Variants in MAEL observed in about 807,000 individuals in gnomAD.
MAEL encodes the protein maelstrom spermatogenic transposon silencer.
MAEL carries 46 observed loss-of-function variants against 62.0 expected under a neutral mutation model. That is an observed-to-expected ratio of 0.74 (90% CI 0.59 to 0.95). The LOEUF (loss-of-function observed/expected upper bound fraction) is 0.95, where lower values mean the gene tolerates loss of function less well. Ranked by LOEUF, MAEL falls within the 40% of genes least tolerant of loss-of-function variation. The pLI, the probability that MAEL is intolerant of heterozygous loss-of-function variation, is 0.00. For synonymous variants in MAEL, 172 were observed against 175.5 expected (o/e 0.98, Z 0.16); for missense variants, 497 against 526.8 (o/e 0.94, Z 0.55).
At chr1:167,002,475 T>A (rs1254832864) in intron 5 of MAEL, among the ~76,000 whole-genome samples, 1 of 152,232 alleles carries the variant, frequency 6.6e-6, no homozygotes, top group Non-Finnish European at 1.5e-5. Flanking sequence ...TAACAGAATC[T>A]CTTCATATGT....
chr1:167,000,782 A>G (rs1664627847), intron 5 of MAEL, among the ~76,000 whole-genome samples: 1 of 152,216 alleles, frequency 6.6e-6, no homozygotes, highest in Non-Finnish European at 1.5e-5. Flanking sequence ...TCAAGACAGG[A>G]TCTTCCACCA....
At chr1:167,001,543 C>T (rs1000717484) in intron 5 of MAEL, among the ~76,000 whole-genome samples, 6 of 152,250 alleles carry the variant, frequency 3.9e-5, no homozygotes, top group Admixed American at 2.0e-4. Context: ...TAAAACAATG[C>T]TACTGCACAC....
At chr1:167,015,919 A>T (rs1316396224) in intron 8 of MAEL, among the ~76,000 whole-genome samples, 3 of 152,202 alleles carry the variant, frequency 2.0e-5, no homozygotes, top group African/African-American at 4.8e-5. Flanking sequence ...GGCCTAGAAA[A>T]TAGTGTACAT....
chr1:167,008,798 G>A (rs6693185), intron 8 of MAEL, among the ~76,000 whole-genome samples: 112,009 of 151,950 alleles, frequency 0.74, 41,451 homozygotes, highest in African/African-American at 0.77. Flanking sequence ...TTAACTCTCA[G>A]CCACCATCTC....
intron 5 of MAEL, among the ~76,000 whole-genome samples, chr1:166,999,411 G>T (rs913716416): frequency 1.3e-5 from 2 of 152,240 alleles, no homozygotes; most frequent in African/African-American, 4.8e-5. Flanking sequence ...TTAAGCTGAA[G>T]CCTAATACAA....
In MAEL at chr1:166,999,208, C is replaced by T. The variant is rs563305972; in HGVS notation, c.524-4972C>T. Among the ~76,000 whole-genome samples, 6 of 152,322 alleles carry T rather than the reference C, an allele frequency of 3.9e-5. 1 individual carries two copies. Among genetic ancestry groups the T allele is most frequent in the African/African-American group, 1.4e-4 (6 of 41,566 alleles). On this transcript the variant is annotated intron_variant, in intron 5 of 11. Coordinates refer to ENST00000367872, the MANE Select transcript of MAEL (RefSeq NM_032858.3). Reference sequence around the variant, plus strand: ...CTTAGTGAGGAATGCATATCAAAAGCTGCAGTAGGCCAAAAACTAGGCTTC... The same window carrying T: ...CTTAGTGAGGAATGCATATCAAAAGTTGCAGTAGGCCAAAAACTAGGCTTC...
At position 167,016,777 on chromosome 1, in the gene MAEL, T is replaced by A. The variant is rs1045928915; in HGVS notation, c.908+493T>A. Among the ~76,000 whole-genome samples, 4 of 152,088 alleles carry A rather than the reference T, an allele frequency of 2.6e-5. 1 individual carries two copies. Among genetic ancestry groups the A allele is most frequent in the African/African-American group, 9.7e-5 (4 of 41,410 alleles). ...ATGGATAAAGAAAATGTGGTACTTA[T>A]ACACAATAGAGTACTATTCAGCCAT... is the stretch of plus-strand genomic sequence containing the variant. On this transcript the variant is annotated intron_variant, in intron 9 of 11. Coordinates refer to ENST00000367872, the MANE Select transcript of MAEL (RefSeq NM_032858.3).
At chr1:166,989,680 C>T (rs1664073729) in intron 1 of MAEL, 57 bp from the exon 2 acceptor site, 1 of 1,561,936 alleles carries the variant, frequency 6.4e-7, no homozygotes, top group Non-Finnish European at 8.7e-7. Context: ...CCTGCGGGCC[C>T]TAGAGCACGG....
At chr1:167,011,884 TGTTGA>T (rs150482939) in intron 8 of MAEL, among the ~76,000 whole-genome samples, 1 of 152,310 alleles carries the variant, frequency 6.6e-6, no homozygotes, top group African/African-American at 2.4e-5. Context: ...AGAAATACAG[TGTTGA>T]GTTCAGCAGA....
rs563015468 is a variant in MAEL, at chr1:166,993,515, A to C, written c.482-513A>C. On this transcript the variant is annotated intron_variant, in intron 4 of 11. Coordinates refer to ENST00000367872, the MANE Select transcript of MAEL (RefSeq NM_032858.3). ...GTTTTGTCAATTATCAATTACTTTA[A>C]AATTAATTAGGACATCCCAGCACTT... is the stretch of plus-strand genomic sequence containing the variant. Among the ~76,000 whole-genome samples the C allele has an allele frequency of 1.3e-3, 196 of 152,308 alleles. 1 individual carries two copies. The highest frequency in any genetic ancestry group is 0.01 in the Middle Eastern group (3 of 294).
In MAEL at chr1:167,021,916, T is replaced by C. The variant is rs988422148; in HGVS notation, c.*61T>C. Reference sequence around the variant, plus strand: ...AGGCCCAACTTCCTTCTTACTACAGTCATATTAAACAGATCACATCAATGA... The same window carrying C: ...AGGCCCAACTTCCTTCTTACTACAGCCATATTAAACAGATCACATCAATGA... On this transcript the variant is annotated 3_prime_UTR_variant, in exon 12 of 12. Transcript: ENST00000367872. 2 of 1,112,356 alleles carry C rather than the reference T, an allele frequency of 1.8e-6. No individual in the cohort carries two copies. Among genetic ancestry groups the C allele is most frequent in the Non-Finnish European group, 2.6e-6 (2 of 755,642 alleles). The allele number at this position is 1,112,356 out of a possible 1,614,324, so 68.9% of individuals were successfully genotyped here.
rs538760454 is a variant in MAEL, at chr1:167,011,512, G to A, written c.846-4710G>A. Reference sequence around the variant, plus strand: ...ACATTATTGTCCTCTGTGCCATTAAGAGTGTTGGCGATACAGCATTTCTTA... The same window carrying A: ...ACATTATTGTCCTCTGTGCCATTAAAAGTGTTGGCGATACAGCATTTCTTA... On this transcript the variant is annotated intron_variant, in intron 8 of 11. Transcript: ENST00000367872. 6.6e-5 allele frequency among the ~76,000 whole-genome samples: 10 copies of A among 152,234 alleles called. No homozygotes were observed. In the South Asian group the frequency reaches 2.1e-3, roughly 32 times the overall value.
At chr1:166,999,351 A>G (rs1358242738) in intron 5 of MAEL, among the ~76,000 whole-genome samples, 1 of 152,220 alleles carries the variant, frequency 6.6e-6, no homozygotes, top group African/African-American at 2.4e-5. Context: ...TGATATGAAG[A>G]AAGTTTTAGT....
At chr1:166,984,789 T>C (rs1275419699), upstream of MAEL, among the ~76,000 whole-genome samples, 2 of 152,206 alleles carry the variant, frequency 1.3e-5, no homozygotes, top group Non-Finnish European at 1.5e-5. Flanking sequence ...CTGTTCCCTC[T>C]GTCTAGAACT....
At position 166,989,415 on chromosome 1, in the gene MAEL, A is replaced by T; in HGVS notation, c.63A>T (p.Glu21Asp). 1.2e-6 allele frequency: 2 copies of T among 1,603,910 alleles called. No homozygotes were observed. The highest frequency in any genetic ancestry group is 1.7e-6 in the Non-Finnish European group (2 of 1,175,558). ...YYFFVQEKIP[E>D]LRRRGLPVAR... Reference sequence around the variant, plus strand: ...TCTTCGTGCAGGAGAAGATCCCCGAACTACGGCGACGAGGCCTGCCTGTGG... The same window carrying T: ...TCTTCGTGCAGGAGAAGATCCCCGATCTACGGCGACGAGGCCTGCCTGTGG... Residue 21 changes from glutamate (E) to aspartate (D), a missense_variant, in exon 1 of 12, where the codon GAA becomes GAT. Coordinates refer to ENST00000367872, the MANE Select transcript of MAEL (RefSeq NM_032858.3).
upstream of MAEL, among the ~76,000 whole-genome samples, chr1:166,984,790 G>A (rs1469225751): frequency 1.3e-5 from 2 of 152,094 alleles, no homozygotes; most frequent in Admixed American, 6.5e-5. Flanking sequence ...TGTTCCCTCT[G>A]TCTAGAACTC....
At chr1:166,989,171 GAATCTTCC>G, upstream of MAEL, 1 of 844,632 alleles carries the variant, frequency 1.2e-6, no homozygotes, top group East Asian at 2.7e-5. Context: ...GCACGAGCCG[GAATCTTCC>G]AGTCTCAGGC....
At position 167,005,403 on chromosome 1, in the gene MAEL, G is replaced by C; in HGVS notation, c.845+6G>C. The C allele has an allele frequency of 1.3e-6, 2 of 1,583,944 alleles. No homozygotes were observed. The highest frequency in any genetic ancestry group is 1.7e-6 in the Non-Finnish European group (2 of 1,166,110). ...GATTATTCTAGCAACACAAGGTATT[G>C]CTAGCATTTTTGTTTTAGAGTCATT... is the stretch of plus-strand genomic sequence containing the variant. On this transcript the variant is annotated splice_donor_region_variant and intron_variant, in intron 8 of 11. Transcript: ENST00000367872.
intron 4 of MAEL, 31 bp from the exon 5 acceptor site, chr1:166,993,997 T>C (rs3736988): frequency 0.35 from 559,966 of 1,595,698 alleles, 102,371 homozygotes; most frequent in African/African-American, 0.6. Context: ...TTTAAAATTT[T>C]TGCTTCTCAA....
Sources: allele counts gnomAD v4.1 joint callset (sites outside exome capture counted in the v4.1 genomes callset), GRCh38; gene constraint gnomAD v4.1.1; transcripts MANE v1.5; gene names NCBI Gene and HGNC (gene_info 2026-07-23, HGNC 2026-07-21).